Variants in IQGAP2 observed in about 807,000 individuals in gnomAD.
IQGAP2 encodes the protein IQ motif containing GTPase activating protein 2.
In IQGAP2, 173 loss-of-function variants were observed where a neutral mutation model predicts 201.3. The observed-to-expected ratio is 0.86, with a 90% CI of 0.76 to 0.98. The LOEUF is 0.98. Ranked by LOEUF, IQGAP2 falls within the 50% of genes least tolerant of loss-of-function variation. The pLI is 0.00. For synonymous variants in IQGAP2, 675 were observed against 673.9 expected, an observed-to-expected ratio of 1.00 and a Z score of -0.03; for missense variants, 1,687 against 1,864.8, an observed-to-expected ratio of 0.90 and a Z score of 1.76.
At chr5:76,492,879 G>A (rs1213226932) in intron 2 of IQGAP2, among the ~76,000 whole-genome samples, 8 of 152,148 alleles carry the variant, frequency 5.3e-5, no homozygotes. Flanking sequence ...AATCACCTTA[G>A]TTGTCACGTT....
Position 76,597,437 on chromosome 5 carries a change from A to G in IQGAP2, c.908-2A>G, listed in dbSNP as rs753332158. 1 of 1,613,652 alleles carries G rather than the reference A, an allele frequency of 6.2e-7. No individual in the cohort carries two copies. Among genetic ancestry groups the G allele is most frequent in the South Asian group, 1.1e-5 (1 of 91,050 alleles). On this transcript the variant is annotated splice_acceptor_variant, in intron 9 of 35. Coordinates refer to ENST00000274364, the MANE Select transcript of IQGAP2 (RefSeq NM_006633.5). LOFTEE classifies it high-confidence loss of function. ...TGACAAAACATGAACCCCCATCCTC[A>G]GGGCAGGCTGCAGTGGACCATATCA... is the stretch of plus-strand genomic sequence containing the variant.
intron 2 of IQGAP2, among the ~76,000 whole-genome samples, chr5:76,549,928 C>T (rs976618568): frequency 1.3e-5 from 2 of 152,180 alleles, no homozygotes; most frequent in African/African-American, 4.8e-5. Flanking sequence ...GACCATAACA[C>T]TCTGCCCTCT....
At chr5:76,420,374 C>CTTTTTTTT (rs36086215) in intron 1 of IQGAP2, among the ~76,000 whole-genome samples, 1 of 122,142 alleles carries the variant, frequency 8.2e-6, no homozygotes, top group Non-Finnish European at 1.8e-5. Context: ...ATCTTTGGAA[C>CTTTTTTTT]TTTTTTTTTT....
chr5:76,474,013 G>A (rs1755270678), intron 2 of IQGAP2, among the ~76,000 whole-genome samples: 1 of 152,180 alleles, frequency 6.6e-6, no homozygotes, highest in Admixed American at 6.5e-5. Flanking sequence ...TGATTTCTTT[G>A]TGTCTTCCAT....
chr5:76,416,685 G>A (rs931112034), intron 1 of IQGAP2, among the ~76,000 whole-genome samples: 6 of 152,158 alleles, frequency 3.9e-5, no homozygotes, highest in South Asian at 2.1e-4. Flanking sequence ...ATGCCACCAC[G>A]CGTGGCTAAT....
intron 2 of IQGAP2, among the ~76,000 whole-genome samples, chr5:76,485,899 CT>C (rs970575676): frequency 5.3e-5 from 8 of 152,096 alleles, no homozygotes; most frequent in African/African-American, 1.9e-4. Context: ...AACTTTGAGT[CT>C]TAATTTTATT....
At chr5:76,617,914 A>C (rs541371957) in intron 13 of IQGAP2, 2 of 1,614,144 alleles carry the variant, frequency 1.2e-6, no homozygotes, top group Non-Finnish European at 1.7e-6. Context: ...AATGCCAAGG[A>C]GATGAAGTAA....
intron 5 of IQGAP2, among the ~76,000 whole-genome samples, chr5:76,579,840 C>T (rs1333647362): frequency 3.9e-5 from 6 of 152,108 alleles, no homozygotes; most frequent in Non-Finnish European, 8.8e-5. Flanking sequence ...TCTTTCTACC[C>T]GGTGTTTCTG....
intron 21 of IQGAP2, among the ~76,000 whole-genome samples, chr5:76,662,414 T>C (rs1743339923): frequency 6.6e-6 from 1 of 152,112 alleles, no homozygotes; most frequent in African/African-American, 2.4e-5. Flanking sequence ...TACCCTCTCA[T>C]CTGTATATGG....
chr5:76,499,693 T>A (rs1289067589), intron 2 of IQGAP2, among the ~76,000 whole-genome samples: 1 of 152,212 alleles, frequency 6.6e-6, no homozygotes, highest in African/African-American at 2.4e-5. Context: ...AACTCAACTC[T>A]GGAGCAAGCT....
At chr5:76,554,049 G>A (rs1031216383) in intron 2 of IQGAP2, among the ~76,000 whole-genome samples, 15 of 152,152 alleles carry the variant, frequency 9.9e-5, no homozygotes, top group Non-Finnish European at 1.8e-4. Flanking sequence ...GTTCAGAAAT[G>A]AACACTCACT....
At chr5:76,679,176 G>A (rs530387037) in intron 28 of IQGAP2, among the ~76,000 whole-genome samples, 10 of 152,088 alleles carry the variant, frequency 6.6e-5, no homozygotes, top group Admixed American at 6.6e-5. Flanking sequence ...ATCCACATGC[G>A]AAAAAAATGG....
intron 1 of IQGAP2, among the ~76,000 whole-genome samples, chr5:76,412,820 C>T (rs921807586): frequency 1.3e-5 from 2 of 152,226 alleles, no homozygotes; most frequent in African/African-American, 4.8e-5. Context: ...AGATTTGCTT[C>T]CATCCCCTGT....
At chr5:76,553,926 G>A (rs1386096327) in intron 2 of IQGAP2, among the ~76,000 whole-genome samples, 1 of 152,182 alleles carries the variant, frequency 6.6e-6, no homozygotes, top group African/African-American at 2.4e-5. Flanking sequence ...GGCCAAATTT[G>A]AACACAGGCT....
intron 17 of IQGAP2, among the ~76,000 whole-genome samples, chr5:76,647,005 C>G (rs540967366): frequency 3.2e-4 from 49 of 152,206 alleles, no homozygotes; most frequent in Admixed American, 9.2e-4. Flanking sequence ...TGAGTCATAA[C>G]TACCATTGAC....
chr5:76,677,131 C>T (rs1329000570), intron 27 of IQGAP2, 87 bp from the exon 28 acceptor site: 12 of 1,307,638 alleles, frequency 9.2e-6, no homozygotes, highest in Middle Eastern at 4.1e-4. Context: ...AAGTACATGT[C>T]ATCATTCAAA....
intron 14 of IQGAP2, 89 bp from the exon 15 acceptor site, chr5:76,631,770 C>G (rs431160): frequency 0.59 from 556,474 of 941,722 alleles, 165,325 homozygotes; most frequent in Middle Eastern, 0.62. Flanking sequence ...GATACTAATG[C>G]ATTCCTAAAA....
chr5:76,656,210 T>G (rs568138365), intron 20 of IQGAP2, among the ~76,000 whole-genome samples: 1 of 89,802 alleles, frequency 1.1e-5, no homozygotes, highest in East Asian at 2.4e-4. Flanking sequence ...TTTTTTTGTT[T>G]GTTTTTTGTT....
chr5:76,670,386 C>T (rs374574950), intron 23 of IQGAP2, among the ~76,000 whole-genome samples: 10 of 151,964 alleles, frequency 6.6e-5, no homozygotes, highest in East Asian at 3.9e-4. Context: ...TGGTGGCGGG[C>T]GCCTGTAGTC....
Sources: gnomAD v4.1 joint callset for allele counts (sites outside exome capture counted in the v4.1 genomes callset) on GRCh38, gnomAD v4.1.1 for gene constraint, MANE v1.5 for transcripts, NCBI Gene and HGNC (gene_info 2026-07-23, HGNC 2026-07-21) for gene names.